The following MEI1 variants were observed in gnomAD, a reference collection of about 807,000 sequenced individuals.
MEI1 encodes meiosis inhibitor protein 1.
Under a neutral mutation model 146.2 loss-of-function variants are expected in MEI1, and 103 were observed. The ratio of observed to expected loss-of-function variants is 0.70; its 90% CI spans 0.60 to 0.83. The LOEUF is 0.83. MEI1 is among the 40% of genes least tolerant of loss of function. The pLI is 0.00. For synonymous variants in MEI1, 652 were observed against 628.2 expected, an observed-to-expected ratio of 1.04 and a Z score of -0.57; for missense variants, 1,529 against 1,533.0, an observed-to-expected ratio of 1.00 and a Z score of 0.04.
At chr22:41,744,256 C>A (rs1051686659) in intron 12 of MEI1, among the ~76,000 whole-genome samples, 1 of 152,056 alleles carries the variant, frequency 6.6e-6, no homozygotes, top group African/African-American at 2.4e-5. Context: ...CTGCAACCTT[C>A]GCCTCCGGGG....
In MEI1 at chr22:41,781,435, G is replaced by A. The variant is rs775841721; in HGVS notation, c.2926+41G>A. ...CTGGGACAGTGAAGAGTGCTGGGCA[G>A]TCTGTGGTCCTCTGTATCTCAACTT... On this transcript the variant is annotated intron_variant, in intron 23 of 30. Transcript: ENST00000401548. 1.9e-5 allele frequency: 28 copies of A among 1,478,018 alleles called. No homozygotes were observed. The East Asian group carries it at 6.4e-4, about 34-fold the overall frequency. 91.6% of individuals were successfully genotyped at this position (1,478,018 alleles called of 1,614,324 possible). A position where few individuals can be genotyped will look rare whatever the true frequency, so the allele number is the denominator to read the frequency against.
chr22:41,743,199 GTGTACTGCAGCCTGCTGC>G lies in MEI1; in HGVS notation c.1446+7_1446+24del. On this transcript the variant is annotated splice_donor_region_variant and intron_variant, in intron 12 of 30. Transcript: ENST00000401548. ...TTGCTGAGCAGGAGGCCCCTGGTCA[GTGTACTGCAGCCTGCTGC>G]TTCCGAAGATCATGCTGCAGTGTGT... 1 of 1,598,514 alleles carries G rather than the reference GTGTACTGCAGCCTGCTGC, an allele frequency of 6.3e-7. No individual in the cohort carries two copies. The highest frequency in any genetic ancestry group is 8.6e-7 in the Non-Finnish European group (1 of 1,166,860).
In MEI1 at chr22:41,730,609, CTT is replaced by C. The variant is rs1280411643; in HGVS notation, c.1074_1075del (p.Ser359GlnfsTer36). On this transcript the variant is annotated frameshift_variant, in exon 9 of 31. Transcript: ENST00000401548. LOFTEE classifies it high-confidence loss of function. ...CLTLLVEEPL[F>X]FSKCHTVYGI... Reference sequence around the variant, plus strand: ...TGACACTCCTGGTAGAAGAGCCACTCTTTTTTTCCAAGTGCCACACGGTGTAT... The same window carrying C: ...TGACACTCCTGGTAGAAGAGCCACTCTTTTTCCAAGTGCCACACGGTGTAT... 2.5e-6 allele frequency: 4 copies of C among 1,613,598 alleles called. No homozygotes were observed. The highest frequency in any genetic ancestry group is 2.5e-6 in the Non-Finnish European group (3 of 1,179,630).
intron 18 of MEI1, among the ~76,000 whole-genome samples, chr22:41,760,490 C>T (rs113573906): frequency 0.013 from 2,034 of 152,078 alleles, 46 homozygotes; most frequent in African/African-American, 0.047. Context: ...GCCTCGGTGA[C>T]GGAGTGATAC....
At chr22:41,789,936 T>C (rs1222139462) in intron 26 of MEI1, among the ~76,000 whole-genome samples, 1 of 152,200 alleles carries the variant, frequency 6.6e-6, no homozygotes, top group Non-Finnish European at 1.5e-5. Context: ...TTTCCTCTTT[T>C]CTCTCACTGT....
intron 19 of MEI1, among the ~76,000 whole-genome samples, chr22:41,764,947 T>G (rs2074742045): frequency 6.6e-6 from 1 of 152,190 alleles, no homozygotes; most frequent in South Asian, 2.1e-4. Context: ...GTCTTGATTT[T>G]TTTTTTCAGA....
At chr22:41,758,137 G>A (rs554574040) in intron 17 of MEI1, among the ~76,000 whole-genome samples, 3 of 152,028 alleles carry the variant, frequency 2.0e-5, no homozygotes, top group South Asian at 4.2e-4. Flanking sequence ...AGGAATGAAC[G>A]TTAATTTTTG....
intron 26 of MEI1, among the ~76,000 whole-genome samples, chr22:41,792,970 C>T (rs1331261020): frequency 7.2e-6 from 1 of 139,090 alleles, no homozygotes; most frequent in African/African-American, 2.6e-5. Context: ...CTGTGAGGCT[C>T]TGTAATCTAT....
chr22:41,723,857 C>A, intron 6 of MEI1, 86 bp from the exon 7 acceptor site: 1 of 1,468,942 alleles, frequency 6.8e-7, no homozygotes, highest in Non-Finnish European at 9.2e-7. Context: ...GAAGAAGTTT[C>A]TCTGGGGATG....
intron 6 of MEI1, among the ~76,000 whole-genome samples, chr22:41,721,278 T>C (rs7292218): frequency 0.08 from 10,481 of 130,708 alleles, 1,155 homozygotes; most frequent in African/African-American, 0.26. Context: ...GGAGTCTCGC[T>C]CTGTCACCCA....
chr22:41,744,223 T>C (rs1247357502), intron 12 of MEI1, among the ~76,000 whole-genome samples: 2 of 151,758 alleles, frequency 1.3e-5, no homozygotes, highest in Non-Finnish European at 2.9e-5. Context: ...CAGGCTGGAG[T>C]GCAGTGGTGC....
chr22:41,778,869 GCTCA>G, intron 22 of MEI1, 57 bp downstream of exon 22: 2 of 1,234,842 alleles, frequency 1.6e-6, no homozygotes, highest in Non-Finnish European at 2.3e-6. Flanking sequence ...TGCAGTGGGT[GCTCA>G]CTAAGTAGGC....
chr22:41,731,351 G>A (rs768170794), intron 9 of MEI1, among the ~76,000 whole-genome samples: 2 of 148,732 alleles, frequency 1.3e-5, no homozygotes, highest in South Asian at 2.1e-4. Context: ...CACGCCAGGC[G>A]ACTTTTTCTT....
Position 41,745,905 on chromosome 22 carries a change from G to A in MEI1, c.1559G>A (p.Ser520Asn). 6.2e-7 allele frequency: 1 copy of A among 1,611,066 alleles called. No individual in the cohort carries two copies. The highest frequency in any genetic ancestry group is 8.5e-7 in the Non-Finnish European group (1 of 1,177,786). The change falls in exon 14 of 31, where the codon AGT (serine) becomes AAT (asparagine). Residue 520 changes from serine (S) to asparagine (N), a missense_variant. Around this residue, in one of 3 missense-constraint regions of MEI1, gnomAD observed 1,212 missense variants for 1,178.9 expected, o/e 1.03. Transcript: ENST00000401548. Reference protein sequence around the residue: ...SACRLAIEFQSEPSAQENPFT... With the variant: ...SACRLAIEFQNEPSAQENPFT... ...CTTAGGTTGGCTATAGAATTCCAGA[G>A]TGAGCCTTCAGCCCAGGAGAATCCA...
chr22:41,781,541 C>A, intron 23 of MEI1, 144 bp from the exon 24 acceptor site: 1 of 1,170,658 alleles, frequency 8.5e-7, no homozygotes, highest in Non-Finnish European at 1.2e-6. Flanking sequence ...ACCTGAGCTT[C>A]TGTTATGAAG....
chr22:41,709,343 T>C, intron 3 of MEI1: 1 of 757,228 alleles, frequency 1.3e-6, no homozygotes, highest in East Asian at 2.6e-5. Context: ...GGGTACCTTC[T>C]CTTCTTTGCA....
intron 11 of MEI1, among the ~76,000 whole-genome samples, chr22:41,733,485 A>G (rs1017028257): frequency 2.0e-5 from 3 of 149,298 alleles, no homozygotes; most frequent in Admixed American, 6.7e-5. Flanking sequence ...GGCCAGGCAC[A>G]GTGGCTTATC....
chr22:41,733,317 G>A (rs2072032651), intron 11 of MEI1, among the ~76,000 whole-genome samples: 1 of 151,830 alleles, frequency 6.6e-6, no homozygotes, highest in African/African-American at 2.4e-5. Flanking sequence ...AGGCATGTTG[G>A]TGCACACCTA....
chr22:41,708,374 C>T (rs922303927), intron 3 of MEI1, among the ~76,000 whole-genome samples: 1 of 151,624 alleles, frequency 6.6e-6, no homozygotes, highest in Non-Finnish European at 1.5e-5. Flanking sequence ...GGTAGGGTGA[C>T]TCACACCTTC....
Sources: allele counts gnomAD v4.1 joint callset (sites outside exome capture counted in the v4.1 genomes callset), GRCh38; gene constraint gnomAD v4.1.1; regional missense constraint gnomAD v4.1.1; transcripts MANE v1.5; gene names NCBI Gene and HGNC (gene_info 2026-07-23, HGNC 2026-07-21).